PTPRD: variants seen among roughly 807,000 people sequenced by gnomAD.
The protein encoded by PTPRD is receptor-type tyrosine-protein phosphatase delta.
Under a neutral mutation model 214.5 loss-of-function variants are expected in PTPRD, and 34 were observed. That is an observed-to-expected ratio of 0.16 (90% CI 0.12 to 0.21). The LOEUF (loss-of-function observed/expected upper bound fraction) is 0.21. Among genes scored for constraint, PTPRD ranks in the 10% least tolerant of loss-of-function variants. The probability of loss-of-function intolerance (pLI) is 1.00; values close to 1 mark genes in which losing one functional copy is unlikely to be tolerated. For missense variants in PTPRD, 2,545 were observed against 2,398.7 expected (o/e 1.06, Z -1.27); for synonymous variants, 1,128 against 845.7 (o/e 1.33, Z -5.79).
intron 2 of PTPRD, among the ~76,000 whole-genome samples, chr9:10,561,262 G>C (rs1039799462): frequency 3.9e-5 from 6 of 152,054 alleles, no homozygotes; most frequent in Non-Finnish European, 8.8e-5. Flanking sequence ...TTATCTGTCA[G>C]GGTCGTTTTA....
chr9:10,467,591 T>C (rs921003017), intron 2 of PTPRD, among the ~76,000 whole-genome samples: 5 of 152,172 alleles, frequency 3.3e-5, no homozygotes, highest in African/African-American at 4.8e-5. Context: ...TGTGTGTACA[T>C]GTGTGATAGT....
At chr9:8,703,695 CTCT>C (rs2098139114) in intron 12 of PTPRD, among the ~76,000 whole-genome samples, 1 of 152,148 alleles carries the variant, frequency 6.6e-6, no homozygotes, top group Non-Finnish European at 1.5e-5. Context: ...CATTGTTATT[CTCT>C]TTTTTGTTGA....
rs796713276 is a variant in PTPRD at position 8,318,957 on chromosome 9, ATGGT to A, written c.5670+870_5670+873del. Among the ~76,000 whole-genome samples the A allele has an allele frequency of 6.8e-4, 104 of 152,212 alleles. 1 individual carries two copies. Among genetic ancestry groups the A allele is most frequent in the African/African-American group, 2.4e-3 (100 of 41,562 alleles). Reference sequence around the variant, plus strand: ...AAATGTGCATTTTTCTGTAATAAAAATGGTTGGTAATGCAAAATAAATGGTGTTT... The same window carrying A: ...AAATGTGCATTTTTCTGTAATAAAAATGGTAATGCAAAATAAATGGTGTTT... On this transcript the variant is annotated intron_variant, in intron 45 of 45. Transcript: ENST00000381196.
At chr9:8,756,180 C>A (rs1228168574) in intron 11 of PTPRD, among the ~76,000 whole-genome samples, 2 of 152,166 alleles carry the variant, frequency 1.3e-5, no homozygotes, top group Admixed American at 1.3e-4. Context: ...AACTTCAGCA[C>A]TGACTTTCTT....
intron 2 of PTPRD, among the ~76,000 whole-genome samples, chr9:10,482,146 A>T (rs7046987): frequency 3.2e-4 from 49 of 151,992 alleles, no homozygotes; most frequent in East Asian, 9.7e-4. Context: ...CCCAGGCGGG[A>T]GAATCACGAG....
intron 2 of PTPRD, among the ~76,000 whole-genome samples, chr9:10,386,260 T>C (rs2097912787): frequency 6.6e-6 from 1 of 151,888 alleles, no homozygotes; most frequent in Non-Finnish European, 1.5e-5. Flanking sequence ...TTTAGCCCAA[T>C]GGACATATTT....
chr9:9,326,831 A>C (rs1268737184), intron 9 of PTPRD, among the ~76,000 whole-genome samples: 1 of 152,148 alleles, frequency 6.6e-6, no homozygotes, highest in Non-Finnish European at 1.5e-5. Flanking sequence ...CCTTATAAAA[A>C]CTTTTAAAGC....
chr9:9,088,827 A>C (rs1459843006), intron 10 of PTPRD, among the ~76,000 whole-genome samples: 2 of 152,094 alleles, frequency 1.3e-5, no homozygotes, highest in Non-Finnish European at 2.9e-5. Context: ...TGACCCTGTC[A>C]CTTCATAGCT....
chr9:10,556,097 T>TC (rs1369255450), intron 2 of PTPRD, among the ~76,000 whole-genome samples: 4 of 152,090 alleles, frequency 2.6e-5, no homozygotes, highest in African/African-American at 9.7e-5. Context: ...TGAGGCCTCA[T>TC]CCTAAAAAGT....
chr9:9,173,821 C>T (rs569868228), intron 10 of PTPRD, among the ~76,000 whole-genome samples: 334 of 152,146 alleles, frequency 2.2e-3, no homozygotes, highest in Middle Eastern at 0.01. Context: ...GATACTTTGC[C>T]GGTTTCTCTT....
chr9:10,150,690 A>C (rs929955095), intron 3 of PTPRD, among the ~76,000 whole-genome samples: 1 of 151,430 alleles, frequency 6.6e-6, no homozygotes, highest in Admixed American at 6.6e-5. Flanking sequence ...AAAAAATAAT[A>C]ATCTTTAAAA....
intron 11 of PTPRD, among the ~76,000 whole-genome samples, chr9:8,872,096 C>A (rs2098311146): frequency 6.6e-6 from 1 of 152,188 alleles, no homozygotes; most frequent in South Asian, 2.1e-4. Context: ...ATAGCTCCAA[C>A]AAAAACTGAA....
intron 8 of PTPRD, among the ~76,000 whole-genome samples, chr9:9,443,133 G>A (rs992673360): frequency 6.6e-6 from 1 of 151,942 alleles, no homozygotes; most frequent in African/African-American, 2.4e-5. Flanking sequence ...CAAAAATAGG[G>A]CCATTCTATG....
chr9:10,307,285 AAAC>A (rs1169550231), intron 3 of PTPRD, among the ~76,000 whole-genome samples: 2 of 152,054 alleles, frequency 1.3e-5, no homozygotes, highest in Non-Finnish European at 2.9e-5. Context: ...TCCATGAAAT[AAAC>A]ATTTTTAGCT....
chr9:9,587,003 G>C (rs16929832), intron 7 of PTPRD, among the ~76,000 whole-genome samples: 3,229 of 152,008 alleles, frequency 0.021, 117 homozygotes, highest in African/African-American at 0.073. Context: ...GTTGAATTAA[G>C]GAAGCCAGTC....
Position 10,371,123 on chromosome 9 carries a change from T to C in PTPRD, c.-599-30106A>G, listed in dbSNP as rs573233086. On this transcript the variant is annotated intron_variant, in intron 2 of 45. Transcript: ENST00000381196. ...CAACACTTTCAGCTTTTTTCTATTA[T>C]TATATATCTCCATTTTTCTAAATTA... Among the ~76,000 whole-genome samples the C allele has an allele frequency of 2.6e-5, 4 of 152,190 alleles. No individual in the cohort carries two copies. In the South Asian group the frequency reaches 6.2e-4, roughly 24 times the overall value.
Position 8,883,509 on chromosome 9 carries a change from T to G in PTPRD, c.-104+135188A>C, listed in dbSNP as rs570344379. ...AACAAAGGGCACAGATGACAATTTCTTCCAAACACACACCTGCTGGGAACT... is the reference window on the plus strand; with the variant it reads ...AACAAAGGGCACAGATGACAATTTCGTCCAAACACACACCTGCTGGGAACT... On this transcript the variant is annotated intron_variant, in intron 11 of 45. Coordinates refer to ENST00000381196, the MANE Select transcript of PTPRD (RefSeq NM_002839.4). Among the ~76,000 whole-genome samples, 5 of 152,286 alleles carry G rather than the reference T, an allele frequency of 3.3e-5. No individual in the cohort carries two copies. In the East Asian group the frequency reaches 9.7e-4, roughly 29 times the overall value.
intron 8 of PTPRD, among the ~76,000 whole-genome samples, chr9:9,453,662 T>G (rs1223099231): frequency 6.6e-6 from 1 of 151,748 alleles, no homozygotes; most frequent in Admixed American, 6.6e-5. Flanking sequence ...TTCTCTTCAA[T>G]AGCTTACAAA....
intron 5 of PTPRD, among the ~76,000 whole-genome samples, chr9:9,786,574 G>T (rs534509881): frequency 2.0e-5 from 3 of 152,122 alleles, no homozygotes; most frequent in African/African-American, 7.2e-5. Flanking sequence ...TCCCTTGCTG[G>T]TAGAAGCAAG....
Sources: gnomAD v4.1 joint callset for allele counts (sites outside exome capture counted in the v4.1 genomes callset) on GRCh38, gnomAD v4.1.1 for gene constraint, MANE v1.5 for transcripts, NCBI Gene and HGNC (gene_info 2026-07-23, HGNC 2026-07-21) for gene names.